Variants in DNAH10 observed in about 807,000 individuals in gnomAD.
DNAH10 encodes dynein axonemal heavy chain 10.
In DNAH10, 348 loss-of-function variants were observed where a neutral mutation model predicts 506.6. The ratio of observed to expected loss-of-function variants is 0.69; its 90% CI spans 0.63 to 0.75. The LOEUF (loss-of-function observed/expected upper bound fraction) is 0.75, where lower values mean the gene tolerates loss of function less well. DNAH10 is among the 30% of genes least tolerant of loss of function. DNAH10 has a pLI of 0.00. For synonymous variants in DNAH10, 2,059 were observed against 2,198.6 expected, an observed-to-expected ratio of 0.94 and a Z score of 1.78; for missense variants, 5,179 against 5,787.1, an observed-to-expected ratio of 0.89 and a Z score of 3.41.
At chr12:123,769,733 G>A (rs1390701101) in intron 2 of DNAH10, among the ~76,000 whole-genome samples, 1 of 151,744 alleles carries the variant, frequency 6.6e-6, no homozygotes, top group Non-Finnish European at 1.5e-5. Context: ...CCATTTCTAT[G>A]TGGCATTAAG....
chr12:123,886,238 G>C (rs904955769), intron 51 of DNAH10, among the ~76,000 whole-genome samples: 6 of 152,176 alleles, frequency 3.9e-5, no homozygotes, highest in Non-Finnish European at 5.9e-5. Context: ...ACAGCAGAGA[G>C]GATGTTGAGG....
chr12:123,906,311 G>A (rs1472100283), intron 57 of DNAH10, among the ~76,000 whole-genome samples: 2 of 151,706 alleles, frequency 1.3e-5, no homozygotes, highest in Admixed American at 6.6e-5. Context: ...GCGCGATCTC[G>A]GCTCACTGCA....
In DNAH10 at chr12:123,848,454, C is replaced by T. The variant is rs987149792; in HGVS notation, c.5950-276C>T. On this transcript the variant is annotated intron_variant, in intron 33 of 78. Transcript: ENST00000673944. ...ATAATCACCATTTGGGAAAGTGGAC[C>T]CAGCATTGCTAGATTTTCCCACATT... Among the ~76,000 whole-genome samples, 5 of 152,108 alleles carry T rather than the reference C, an allele frequency of 3.3e-5. No homozygotes were observed. In the East Asian group the frequency reaches 9.7e-4, roughly 29 times the overall value.
At chr12:123,766,422 A>G (rs1307824026) in intron 1 of DNAH10, among the ~76,000 whole-genome samples, 2 of 152,142 alleles carry the variant, frequency 1.3e-5, no homozygotes, top group African/African-American at 2.4e-5. Context: ...ATATCATACT[A>G]TATATACATA....
chr12:123,814,536 T>A (rs1332351713), intron 21 of DNAH10, among the ~76,000 whole-genome samples: 2 of 152,094 alleles, frequency 1.3e-5, no homozygotes, highest in Non-Finnish European at 2.9e-5. Context: ...AAGACAAACT[T>A]CATGCAAATC....
At position 123,788,009 on chromosome 12, in the gene DNAH10, GC is replaced by G. The variant is rs1189938307; in HGVS notation, c.1620+8del. ...CCTCTCCGACGTTCTGCAGGTAGGGGCTGGGCGAAGGCCGGCGGAATTTGCC... is the reference window on the plus strand; with the variant it reads ...CCTCTCCGACGTTCTGCAGGTAGGGGTGGGCGAAGGCCGGCGGAATTTGCC... On this transcript the variant is annotated splice_region_variant and intron_variant, in intron 10 of 78. Transcript: ENST00000673944. 5.8e-6 allele frequency: 9 copies of G among 1,558,818 alleles called. No homozygotes were observed. The highest frequency in any genetic ancestry group is 7.8e-6 in the Non-Finnish European group (9 of 1,150,800).
intron 36 of DNAH10, among the ~76,000 whole-genome samples, chr12:123,854,178 C>T (rs186736489): frequency 6.8e-6 from 1 of 147,624 alleles, no homozygotes; most frequent in Admixed American, 7.0e-5. Flanking sequence ...GAGCTGCATT[C>T]GTCATTTGTA....
In DNAH10 at chr12:123,926,237, TAA is replaced by T. The variant is rs869303760; in HGVS notation, c.11922-383_11922-382del. The stretch of plus-strand genomic sequence containing the variant: ...CAGAGTGAGATTATATATTTCAATT[TAA>T]AAAAAAAAAAAAAAAAGAAAAAGAA... On this transcript the variant is annotated intron_variant, in intron 68 of 78. Transcript: ENST00000673944. The surrounding 1 kb of genome is among the most constrained non-coding windows in gnomAD (Gnocchi z 4.1). Among the ~76,000 whole-genome samples the T allele has an allele frequency of 0.071, 7,659 of 108,280 alleles. 624 individuals carry two copies. The highest frequency in any genetic ancestry group is 0.22 in the African/African-American group (6,743 of 30,814). The allele number at this position is 108,280 out of a possible 152,430, so 71.0% of individuals were successfully genotyped here.
intron 30 of DNAH10, among the ~76,000 whole-genome samples, chr12:123,842,373 G>C (rs988086501): frequency 7.2e-5 from 11 of 152,210 alleles, no homozygotes; most frequent in Admixed American, 6.5e-4. Context: ...CCTGCTCCTA[G>C]CAGCTGAGTG....
At position 123,926,606 on chromosome 12, in the gene DNAH10, G is replaced by A; in HGVS notation, c.11922-31G>A. The A allele has an allele frequency of 1.9e-6, 3 of 1,603,884 alleles. No homozygotes were observed. The highest frequency in any genetic ancestry group is 2.6e-6 in the Non-Finnish European group (3 of 1,174,432). The stretch of plus-strand genomic sequence containing the variant: ...CCCTGGTCTGGAGCTGTCCTCGCGG[G>A]AGAGTTTTCTGACTGTGTTTCTTTC... On this transcript the variant is annotated intron_variant, in intron 68 of 78. Coordinates refer to ENST00000673944, the MANE Select transcript of DNAH10 (RefSeq NM_001372106.1). This position sits in a 1 kb window ranked among gnomAD's most constrained non-coding sequence, Gnocchi z 4.1.
At position 123,875,583 on chromosome 12, in the gene DNAH10, G is replaced by T. The variant is rs1040088838; in HGVS notation, c.8199+92G>T. The T allele has an allele frequency of 3.4e-6, 5 of 1,486,062 alleles. No individual in the cohort carries two copies. The African/African-American group carries it at 5.6e-5, about 17-fold the overall frequency. 92.1% of individuals were successfully genotyped at this position (1,486,062 alleles called of 1,614,324 possible). A position where few individuals can be genotyped will look rare whatever the true frequency, so the allele number is the denominator to read the frequency against. ...TGACTTATCCATGTAGGCACAGCAG[G>T]GTTAGGGCCCTCAATACTTTTAAGG... On this transcript the variant is annotated intron_variant, in intron 47 of 78. Coordinates refer to ENST00000673944, the MANE Select transcript of DNAH10 (RefSeq NM_001372106.1).
rs1326406896 is a variant in DNAH10, at chr12:123,861,308, G to A, written c.6908+138G>A. 13 of 1,155,788 alleles carry A rather than the reference G, an allele frequency of 1.1e-5. No individual in the cohort carries two copies. The Admixed American group carries it at 3.6e-4, about 32-fold the overall frequency. 71.6% of individuals were successfully genotyped at this position (1,155,788 alleles called of 1,614,324 possible). Reference sequence around the variant, plus strand: ...CTTAGAGTCCAGTCTTGGAGGCTGTGCTTCGGAAGTGCGCAGTCCAATCTT... The same window carrying A: ...CTTAGAGTCCAGTCTTGGAGGCTGTACTTCGGAAGTGCGCAGTCCAATCTT... On this transcript the variant is annotated intron_variant, in intron 39 of 78. Transcript: ENST00000673944.
In DNAH10 at chr12:123,902,576, A is replaced by G. The variant is rs1190172422; in HGVS notation, c.9641-363A>G. ...CGTAGGAAGAGGCGATGAGAGGCAG[A>G]AGGAGGAGATCGCAGGGAGCCGGTA... On this transcript the variant is annotated intron_variant, in intron 56 of 78. Coordinates refer to ENST00000673944, the MANE Select transcript of DNAH10 (RefSeq NM_001372106.1). This position sits in a 1 kb window ranked among gnomAD's most constrained non-coding sequence, Gnocchi z 4.5. Among the ~76,000 whole-genome samples, 1 of 152,130 alleles carries G rather than the reference A, an allele frequency of 6.6e-6. No homozygotes were observed. The highest frequency in any genetic ancestry group is 1.9e-4 in the East Asian group (1 of 5,178).
intron 37 of DNAH10, among the ~76,000 whole-genome samples, 168 bp downstream of exon 37, chr12:123,857,415 C>T (rs1205466826): frequency 6.6e-6 from 1 of 152,156 alleles, no homozygotes; most frequent in Non-Finnish European, 1.5e-5. Flanking sequence ...CAATATTTAC[C>T]ATCTTACCTA....
At chr12:123,830,499 C>A (rs762841960) in intron 25 of DNAH10, 47 bp from the exon 26 acceptor site, 2 of 1,557,382 alleles carry the variant, frequency 1.3e-6, no homozygotes, top group Non-Finnish European at 1.7e-6. Flanking sequence ...TTGAACTCCT[C>A]ACTAAATTCA....
At chr12:123,807,518 G>C (rs1189366553) in intron 18 of DNAH10, among the ~76,000 whole-genome samples, 2 of 152,078 alleles carry the variant, frequency 1.3e-5, no homozygotes, top group Non-Finnish European at 2.9e-5. Flanking sequence ...AGAGCTTTCT[G>C]GGGGAAGCCA....
intron 36 of DNAH10, among the ~76,000 whole-genome samples, chr12:123,855,176 C>G (rs1270838104): frequency 6.6e-6 from 1 of 152,156 alleles, no homozygotes; most frequent in African/African-American, 2.4e-5. Flanking sequence ...GCCTTTTCCA[C>G]TCCACATCCT....
intron 21 of DNAH10, 57 bp from the exon 22 acceptor site, chr12:123,818,893 C>G (rs1450183791): frequency 8.0e-7 from 1 of 1,243,054 alleles, no homozygotes. Flanking sequence ...CCATCAATTT[C>G]AATTCCAAAT....
rs1197829879 is a variant in DNAH10 at position 123,913,784 on chromosome 12, T to A, written c.10352+469T>A. On this transcript the variant is annotated intron_variant, in intron 60 of 78. Coordinates refer to ENST00000673944, the MANE Select transcript of DNAH10 (RefSeq NM_001372106.1). The surrounding 1 kb of genome is among the most constrained non-coding windows in gnomAD (Gnocchi z 5.1). ...TGGGCAAGACCGCTTGGCCACAGCT[T>A]ATTCACCAAATAGGGCAACAATTTT... Among the ~76,000 whole-genome samples, 3 of 152,212 alleles carry A rather than the reference T, an allele frequency of 2.0e-5. No homozygotes were observed. Among genetic ancestry groups the A allele is most frequent in the Admixed American group, 1.3e-4 (2 of 15,290 alleles).
Sources: gnomAD v4.1 joint callset for allele counts (sites outside exome capture counted in the v4.1 genomes callset) on GRCh38, gnomAD v4.1.1 for gene constraint, Gnocchi (gnomAD v3.1) non-coding constraint, MANE v1.5 for transcripts, NCBI Gene and HGNC (gene_info 2026-07-23, HGNC 2026-07-21) for gene names.